The following KLHL29 variants were observed in gnomAD, a reference collection of about 807,000 sequenced individuals.
The protein encoded by KLHL29 is kelch like family member 29, also known as kelch-like protein 29.
In KLHL29, 21 loss-of-function variants were observed where a neutral mutation model predicts 80.4. The ratio of observed to expected loss-of-function variants is 0.26; its 90% CI spans 0.19 to 0.38. The LOEUF is 0.38. Ranked by LOEUF, KLHL29 falls within the 10% of genes least tolerant of loss-of-function variation. KLHL29 has a pLI of 1.00. For missense variants in KLHL29, 867 were observed against 1,223.9 expected (o/e 0.71, Z 4.35); for synonymous variants, 511 against 526.8 (o/e 0.97, Z 0.41).
intron 2 of KLHL29, among the ~76,000 whole-genome samples, chr2:23,508,301 C>T (rs1026231247): frequency 6.6e-6 from 1 of 152,262 alleles, no homozygotes; most frequent in Admixed American, 6.5e-5. Context: ...TCTAGGACCT[C>T]AGCTGGGAAC....
In KLHL29 at chr2:23,642,655, C is replaced by T. The variant is rs1349570486; in HGVS notation, c.745C>T (p.Pro249Ser). 2.6e-6 allele frequency: 4 copies of T among 1,548,498 alleles called. No individual in the cohort carries two copies. The Admixed American group carries it at 7.9e-5, about 30-fold the overall frequency. ...TGTGGGGCAGGTGGCCCGCCCAGGA[C>T]CCACCGCTGTGGGCAACGGCCACAT... ...PGVGQVARPG[P>S]TAVGNGHMAG... Residue 249 changes from proline (P) to serine (S), a missense_variant, in exon 5 of 14, where the codon CCC (proline) becomes TCC (serine). This residue lies in a region of KLHL29 where 424 missense variants were observed against 456.9 expected (regional missense o/e 0.93). Transcript: ENST00000486442.
At chr2:23,390,842 C>T (rs1278522737) in intron 1 of KLHL29, among the ~76,000 whole-genome samples, 1 of 151,802 alleles carries the variant, frequency 6.6e-6, no homozygotes, top group African/African-American at 2.4e-5. Flanking sequence ...TTAGTAGAGA[C>T]GGGGTTTCAC....
intron 2 of KLHL29, among the ~76,000 whole-genome samples, chr2:23,550,131 G>T (rs1402220473): frequency 6.6e-6 from 1 of 152,118 alleles, no homozygotes; most frequent in Admixed American, 6.5e-5. Flanking sequence ...GCTGTGCCCT[G>T]TTCTTATTTC....
intron 5 of KLHL29, among the ~76,000 whole-genome samples, chr2:23,673,751 ACACC>A (rs1670844578): frequency 3.3e-5 from 5 of 151,832 alleles, no homozygotes; most frequent in Non-Finnish European, 7.4e-5. Context: ...GTGCATGCAC[ACACC>A]CACACAACAT....
At chr2:23,423,755 T>C (rs545726949) in intron 1 of KLHL29, among the ~76,000 whole-genome samples, 1 of 152,268 alleles carries the variant, frequency 6.6e-6, no homozygotes, top group Admixed American at 6.5e-5. Flanking sequence ...CCCCGGGGCC[T>C]CCCCTTGAGC....
At chr2:23,551,108 C>A (rs991719862) in intron 2 of KLHL29, among the ~76,000 whole-genome samples, 1 of 152,318 alleles carries the variant, frequency 6.6e-6, no homozygotes, top group Admixed American at 6.5e-5. Context: ...TGCTCCTCTA[C>A]GTAATCAAAT....
chr2:23,521,003 C>CCG (rs1553334477), intron 2 of KLHL29, among the ~76,000 whole-genome samples: 1 of 151,274 alleles, frequency 6.6e-6, no homozygotes. Flanking sequence ...CCCCCCCCCC[C>CCG]GCTCCCCCTC....
At chr2:23,558,842 A>G (rs940905846) in intron 2 of KLHL29, among the ~76,000 whole-genome samples, 8 of 152,256 alleles carry the variant, frequency 5.3e-5, no homozygotes, top group Admixed American at 5.2e-4. Context: ...TGAAGAAAAA[A>G]CAAGCATTAG....
At chr2:23,558,102 A>G (rs945095343) in intron 2 of KLHL29, among the ~76,000 whole-genome samples, 2 of 152,106 alleles carry the variant, frequency 1.3e-5, no homozygotes, top group African/African-American at 2.4e-5. Flanking sequence ...CACCCATCCT[A>G]TCCGCCAGAC....
intron 1 of KLHL29, among the ~76,000 whole-genome samples, chr2:23,461,728 C>T (rs557814305): frequency 2.4e-5 from 3 of 123,394 alleles, no homozygotes; most frequent in East Asian, 2.3e-4. Context: ...GCTGGGGGGG[C>T]AGGGGGGCGG....
At chr2:23,414,992 G>A (rs572291548) in intron 1 of KLHL29, among the ~76,000 whole-genome samples, 1 of 152,326 alleles carries the variant, frequency 6.6e-6, no homozygotes, top group East Asian at 1.9e-4. Context: ...AGGCTCAGAG[G>A]CCACATGGCC....
At chr2:23,586,558 A>G (rs750274148) in intron 3 of KLHL29, among the ~76,000 whole-genome samples, 29 of 151,682 alleles carry the variant, frequency 1.9e-4, no homozygotes, top group Non-Finnish European at 3.2e-4. Context: ...ATGGGGTTTC[A>G]CCATGTTGGC....
intron 1 of KLHL29, among the ~76,000 whole-genome samples, chr2:23,410,116 A>C (rs766858030): frequency 1.3e-5 from 2 of 152,238 alleles, no homozygotes; most frequent in Non-Finnish European, 2.9e-5. Context: ...GTCTAGCCGC[A>C]TAAGTATGCT....
intron 2 of KLHL29, among the ~76,000 whole-genome samples, chr2:23,500,971 C>A (rs192873467): frequency 7.9e-5 from 12 of 152,240 alleles, no homozygotes; most frequent in Admixed American, 2.6e-4. Flanking sequence ...TTGTCTGCGG[C>A]GGAGCATCTC....
intron 3 of KLHL29, among the ~76,000 whole-genome samples, chr2:23,627,976 C>T (rs984633421): frequency 4.0e-5 from 6 of 149,216 alleles, no homozygotes; most frequent in African/African-American, 7.5e-5. Context: ...GGCACGATCT[C>T]GGCTCACCGC....
chr2:23,707,086 C>T lies in KLHL29; in HGVS notation c.*422C>T. 6.5e-6 allele frequency: 1 copy of T among 154,542 alleles called. No homozygotes were observed. The highest frequency in any genetic ancestry group is 1.4e-5 in the Non-Finnish European group (1 of 69,650). 9.6% of individuals were successfully genotyped at this position (154,542 alleles called of 1,614,324 possible). A position where few individuals can be genotyped will look rare whatever the true frequency, so the allele number is the denominator to read the frequency against. On this transcript the variant is annotated 3_prime_UTR_variant, in exon 14 of 14. Transcript: ENST00000486442. ...TGGAATAAGATCAAAGTGTCCTTAT[C>T]ACTTTGATTCCTACTTTTGTTTTTT...
chr2:23,577,114 G>A (rs141511440), intron 3 of KLHL29, among the ~76,000 whole-genome samples: 2 of 152,226 alleles, frequency 1.3e-5, no homozygotes, highest in Admixed American at 6.5e-5. Context: ...ACTGCAGTGC[G>A]TCTTCTTTAG....
At chr2:23,548,314 C>T (rs1003315245) in intron 2 of KLHL29, among the ~76,000 whole-genome samples, 5 of 151,808 alleles carry the variant, frequency 3.3e-5, no homozygotes, top group East Asian at 1.9e-4. Context: ...CACACACACA[C>T]ACAGACACAA....
At chr2:23,652,599 T>C (rs1670115739) in intron 5 of KLHL29, among the ~76,000 whole-genome samples, 3 of 152,302 alleles carry the variant, frequency 2.0e-5, no homozygotes, top group South Asian at 2.1e-4. Flanking sequence ...GTCAAGTGCC[T>C]CTTAAAGGGA....
Sources: allele counts gnomAD v4.1 joint callset (sites outside exome capture counted in the v4.1 genomes callset), GRCh38; gene constraint gnomAD v4.1.1; regional missense constraint gnomAD v4.1.1; transcripts MANE v1.5; gene names NCBI Gene and HGNC (gene_info 2026-07-23, HGNC 2026-07-21).